PRKAR1B: variants seen among roughly 807,000 people sequenced by gnomAD.
The protein encoded by PRKAR1B is protein kinase cAMP-dependent type I regulatory subunit beta.
A neutral mutation model predicts 46.5 loss-of-function variants in PRKAR1B; 22 were observed. The ratio of observed to expected loss-of-function variants is 0.47; its 90% confidence interval spans 0.34 to 0.68. PRKAR1B has a LOEUF of 0.68. PRKAR1B is among the 30% of genes least tolerant of loss of function. The probability of loss-of-function intolerance (pLI) is 0.01; values close to 1 mark genes in which losing one functional copy is unlikely to be tolerated. For missense variants in PRKAR1B, 445 were observed against 535.6 expected, an observed-to-expected ratio of 0.83 and a Z score of 1.67; for synonymous variants, 259 against 217.7, an observed-to-expected ratio of 1.19 and a Z score of -1.67.
chr7:682,366 C>T (rs1448627415), intron 2 of PRKAR1B, among the ~76,000 whole-genome samples: 5 of 152,148 alleles, frequency 3.3e-5, no homozygotes, highest in Admixed American at 1.3e-4. Flanking sequence ...TGGTGGCTCA[C>T]GCCTATAATC....
intron 9 of PRKAR1B, among the ~76,000 whole-genome samples, chr7:577,866 C>T (rs1218164311): frequency 6.6e-6 from 1 of 152,208 alleles, no homozygotes; most frequent in Non-Finnish European, 1.5e-5. Context: ...TGTTACAGCT[C>T]GGAGCCGCTC....
intron 2 of PRKAR1B, among the ~76,000 whole-genome samples, chr7:692,938 C>CA (rs1304118566): frequency 6.8e-6 from 1 of 147,024 alleles, no homozygotes; most frequent in South Asian, 2.2e-4. Flanking sequence ...GTGAGTGGGA[C>CA]TTTTTTTTTT....
intron 4 of PRKAR1B, among the ~76,000 whole-genome samples, chr7:651,658 C>T (rs1784909807): frequency 6.6e-6 from 1 of 151,746 alleles, no homozygotes; most frequent in Non-Finnish European, 1.5e-5. Context: ...CCTGGGGAAA[C>T]CCCTCTCGGA....
intron 4 of PRKAR1B, among the ~76,000 whole-genome samples, chr7:621,474 C>A (rs1783105148): frequency 6.6e-6 from 1 of 152,200 alleles, no homozygotes; most frequent in African/African-American, 2.4e-5. Flanking sequence ...ACCTTGTACT[C>A]CCAAAGCAAG....
intron 2 of PRKAR1B, among the ~76,000 whole-genome samples, chr7:703,049 T>C (rs1011432084): frequency 6.6e-6 from 1 of 152,056 alleles, no homozygotes; most frequent in Non-Finnish European, 1.5e-5. Context: ...TTTACTGATA[T>C]AGCTAAAATA....
At chr7:569,323 A>T (rs9801189) in intron 9 of PRKAR1B, among the ~76,000 whole-genome samples, 15,793 of 152,208 alleles carry the variant, frequency 0.1, 892 homozygotes, top group East Asian at 0.23. Flanking sequence ...CCCAATTCAC[A>T]TCGAAACTCA....
At chr7:597,497 G>A (rs1312002352) in intron 6 of PRKAR1B, among the ~76,000 whole-genome samples, 1 of 152,208 alleles carries the variant, frequency 6.6e-6, no homozygotes, top group Non-Finnish European at 1.5e-5. Context: ...CAGGATTACG[G>A]GGCAGAAGAA....
At chr7:662,214 C>T (rs1441332646) in intron 4 of PRKAR1B, among the ~76,000 whole-genome samples, 5 of 105,110 alleles carry the variant, frequency 4.8e-5, no homozygotes, top group South Asian at 4.5e-4. Context: ...AGGTCCCCAC[C>T]CCAACGGGTC....
At chr7:640,619 C>T (rs188672721) in intron 4 of PRKAR1B, among the ~76,000 whole-genome samples, 3 of 152,028 alleles carry the variant, frequency 2.0e-5, no homozygotes, top group Admixed American at 6.6e-5. Flanking sequence ...AAAAATTAGC[C>T]GGGTGTGGTG....
At chr7:562,947 G>C (rs939515032) in intron 9 of PRKAR1B, among the ~76,000 whole-genome samples, 1 of 152,182 alleles carries the variant, frequency 6.6e-6, no homozygotes, top group Non-Finnish European at 1.5e-5. Flanking sequence ...CTCAATCTTT[G>C]GATGAACAGA....
rs1347597051 is a variant in PRKAR1B at position 593,225 on chromosome 7, T to C, written c.708+2921A>G. ...GATCAGACACTCTGGGATCCTAAAC[T>C]GGAGTCAGCGTTCACATTTTGGGCG... On this transcript the variant is annotated intron_variant, in intron 7 of 10. Coordinates refer to ENST00000537384, the MANE Select transcript of PRKAR1B (RefSeq NM_001164760.2). This position sits in a 1 kb window ranked among gnomAD's most constrained non-coding sequence, Gnocchi z 6.1. 6.6e-6 allele frequency among the ~76,000 whole-genome samples: 1 copy of C among 152,030 alleles called. No individual in the cohort carries two copies. Among genetic ancestry groups the C allele is most frequent in the Non-Finnish European group, 1.5e-5 (1 of 68,020 alleles).
intron 1 of PRKAR1B, among the ~76,000 whole-genome samples, chr7:723,292 T>A (rs1781136446): frequency 6.6e-6 from 1 of 152,324 alleles, no homozygotes; most frequent in East Asian, 1.9e-4. Flanking sequence ...TAGGTCTCTG[T>A]TGGGCGTCCC....
At chr7:689,909 C>T (rs967313041) in intron 2 of PRKAR1B, among the ~76,000 whole-genome samples, 7 of 151,950 alleles carry the variant, frequency 4.6e-5, no homozygotes, top group African/African-American at 1.4e-4. Flanking sequence ...TCTCAATCTC[C>T]TGACCTCGTG....
At chr7:696,333 G>A (rs549186605) in intron 2 of PRKAR1B, among the ~76,000 whole-genome samples, 3 of 151,222 alleles carry the variant, frequency 2.0e-5, no homozygotes, top group South Asian at 2.1e-4. Flanking sequence ...GTGCAGTGTC[G>A]CGATCTTGGC....
At chr7:721,643 C>T (rs930644604) in intron 1 of PRKAR1B, among the ~76,000 whole-genome samples, 8 of 124,158 alleles carry the variant, frequency 6.4e-5, no homozygotes, top group East Asian at 2.1e-4. Context: ...AGCGAAATTC[C>T]GTCTCAAAAA....
chr7:560,530 C>T lies in PRKAR1B; in HGVS notation c.892-9060G>A, dbSNP rs1291384780. On this transcript the variant is annotated intron_variant, in intron 9 of 10. Coordinates refer to ENST00000537384, the MANE Select transcript of PRKAR1B (RefSeq NM_001164760.2). The surrounding 1 kb of genome is among the most constrained non-coding windows in gnomAD (Gnocchi z 4.2). ...GAGCTTAACCCAGGCTTCCCCCTGA[C>T]CTGGCCAGGAACAAATGGGACTGAG... Among the ~76,000 whole-genome samples, 2 of 152,176 alleles carry T rather than the reference C, an allele frequency of 1.3e-5. No individual in the cohort carries two copies. Among genetic ancestry groups the T allele is most frequent in the East Asian group, 1.9e-4 (1 of 5,200 alleles).
chr7:594,387 G>A (rs938392819), intron 7 of PRKAR1B, among the ~76,000 whole-genome samples: 3 of 152,142 alleles, frequency 2.0e-5, no homozygotes, highest in African/African-American at 4.8e-5. Flanking sequence ...CCCAGGCCCC[G>A]AAGGAGAGGG....
rs747220157 is a variant in PRKAR1B, at chr7:584,496, G to A, written c.769+12C>T. ...TCGGGACACACAGCCGTGCAGGGGC[G>A]CAGCCACTGACCTAGGATGGAGACC... is the stretch of plus-strand genomic sequence containing the variant. On this transcript the variant is annotated intron_variant, in intron 8 of 10. Transcript: ENST00000537384. 19 of 1,612,214 alleles carry A rather than the reference G, an allele frequency of 1.2e-5. No homozygotes were observed. In the African/African-American group the frequency reaches 1.2e-4, roughly 10 times the overall value.
intron 1 of PRKAR1B, among the ~76,000 whole-genome samples, chr7:723,510 C>T (rs1025737555): frequency 6.6e-6 from 1 of 152,320 alleles, no homozygotes; most frequent in Non-Finnish European, 1.5e-5. Context: ...CTTTCCTCGT[C>T]GCCTGCTATG....
Sources: gnomAD v4.1 joint callset for allele counts (sites outside exome capture counted in the v4.1 genomes callset) on GRCh38, gnomAD v4.1.1 for gene constraint, Gnocchi (gnomAD v3.1) non-coding constraint, MANE v1.5 for transcripts, NCBI Gene and HGNC (gene_info 2026-07-23, HGNC 2026-07-21) for gene names.